TMEFF2: variants seen among roughly 807,000 people sequenced by gnomAD.
TMEFF2 encodes transmembrane protein with EGF like and two follistatin like domains 2.
A neutral mutation model predicts 53.8 loss-of-function variants in TMEFF2; 28 were observed. The ratio of observed to expected loss-of-function variants is 0.52; its 90% confidence interval spans 0.39 to 0.71. TMEFF2 has a LOEUF of 0.71. Ranked by LOEUF, TMEFF2 falls within the 30% of genes least tolerant of loss-of-function variation. The pLI is 0.00. For missense variants in TMEFF2, 353 were observed against 455.2 expected, an observed-to-expected ratio of 0.78 and a Z score of 2.04; for synonymous variants, 162 against 166.3, an observed-to-expected ratio of 0.97 and a Z score of 0.20.
At chr2:192,158,493 A>T (rs1690558876) in intron 4 of TMEFF2, among the ~76,000 whole-genome samples, 1 of 152,160 alleles carries the variant, frequency 6.6e-6, no homozygotes, top group Admixed American at 6.6e-5. Flanking sequence ...GATATTCAGT[A>T]GAAAATAATA....
Position 192,194,341 on chromosome 2 carries a change from T to A in TMEFF2, c.172+12A>T. 8.1e-6 allele frequency: 13 copies of A among 1,613,484 alleles called. No homozygotes were observed. The highest frequency in any genetic ancestry group is 1.1e-5 in the Non-Finnish European group (13 of 1,179,734). On this transcript the variant is annotated intron_variant, in intron 1 of 9. Coordinates refer to ENST00000272771, the MANE Select transcript of TMEFF2 (RefSeq NM_016192.4). The surrounding 1 kb of genome is among the most constrained non-coding windows in gnomAD (Gnocchi z 4.2). Reference sequence around the variant, plus strand: ...GGAGTTAAAGGGTCGGGGACGGGGGTTCTGGACTTACCAGAGCAATTCCAG... The same window carrying A: ...GGAGTTAAAGGGTCGGGGACGGGGGATCTGGACTTACCAGAGCAATTCCAG...
intron 2 of TMEFF2, among the ~76,000 whole-genome samples, chr2:192,187,119 G>A (rs6752021): frequency 0.88 from 134,376 of 152,116 alleles, 59,498 homozygotes; most frequent in East Asian, 1. Flanking sequence ...CCAGAAGGAA[G>A]CACGCTGTAA....
chr2:192,003,290 C>G (rs978464088), intron 5 of TMEFF2, among the ~76,000 whole-genome samples: 3 of 152,106 alleles, frequency 2.0e-5, no homozygotes, highest in Non-Finnish European at 4.4e-5. Context: ...ATCGAAGAGC[C>G]TAAATTCAAA....
chr2:192,019,078 C>T (rs1291017929), intron 5 of TMEFF2, among the ~76,000 whole-genome samples: 4 of 151,752 alleles, frequency 2.6e-5, no homozygotes, highest in Non-Finnish European at 4.4e-5. Flanking sequence ...ATAAATAAAA[C>T]GAATAAATAA....
intron 9 of TMEFF2, 151 bp downstream of exon 9, chr2:191,953,528 T>C: frequency 1.4e-6 from 1 of 733,370 alleles, no homozygotes; most frequent in Non-Finnish European, 2.1e-6. Flanking sequence ...CTCCATTGGC[T>C]ATTCAAATAC....
chr2:191,949,277 A>G lies in TMEFF2; in HGVS notation c.*1034T>C. 2.0e-6 allele frequency: 2 copies of G among 985,344 alleles called. No individual in the cohort carries two copies. Among genetic ancestry groups the G allele is most frequent in the Non-Finnish European group, 2.4e-6 (2 of 829,888 alleles). The allele number at this position is 985,344 out of a possible 1,614,324, so 61.0% of individuals were successfully genotyped here. On this transcript the variant is annotated 3_prime_UTR_variant, in exon 10 of 10. Transcript: ENST00000272771. Reference sequence around the variant, plus strand: ...TGCTATAGGATTAATTTTCTTTCTTACCTCACCACATAAATATGCTCAAAA... The same window carrying G: ...TGCTATAGGATTAATTTTCTTTCTTGCCTCACCACATAAATATGCTCAAAA...
chr2:192,035,956 A>T (rs1425742823), intron 5 of TMEFF2, among the ~76,000 whole-genome samples: 1 of 152,164 alleles, frequency 6.6e-6, no homozygotes, highest in Non-Finnish European at 1.5e-5. Flanking sequence ...CTGGCATCTC[A>T]TAATTGTGCA....
intron 4 of TMEFF2, among the ~76,000 whole-genome samples, chr2:192,098,104 C>T (rs1688956178): frequency 2.0e-5 from 3 of 151,994 alleles, no homozygotes; most frequent in Non-Finnish European, 4.4e-5. Context: ...AGGAAGTGAT[C>T]TAAAAATAAT....
At chr2:192,050,462 A>AT (rs1687740898) in intron 5 of TMEFF2, among the ~76,000 whole-genome samples, 1 of 151,922 alleles carries the variant, frequency 6.6e-6, no homozygotes, top group East Asian at 1.9e-4. Context: ...AATTTTTTTT[A>AT]TTTTTTACTT....
intron 4 of TMEFF2, among the ~76,000 whole-genome samples, chr2:192,119,563 G>A (rs373501826): frequency 6.6e-6 from 1 of 152,182 alleles, no homozygotes; most frequent in Admixed American, 6.5e-5. Flanking sequence ...CCAATTGAAA[G>A]TTAAGTGGAA....
At chr2:191,958,705 C>G (rs1215921701) in intron 7 of TMEFF2, among the ~76,000 whole-genome samples, 3 of 152,224 alleles carry the variant, frequency 2.0e-5, no homozygotes, top group Non-Finnish European at 2.9e-5. Flanking sequence ...ATTGTAAAAT[C>G]TGCTAATTAG....
rs569804729 is a variant in TMEFF2 at position 192,135,605 on chromosome 2, C to G, written c.439+44063G>C. Among the ~76,000 whole-genome samples, 3 of 151,900 alleles carry G rather than the reference C, an allele frequency of 2.0e-5. No individual in the cohort carries two copies. The East Asian group carries it at 5.8e-4, about 29-fold the overall frequency. On this transcript the variant is annotated intron_variant, in intron 4 of 9. Coordinates refer to ENST00000272771, the MANE Select transcript of TMEFF2 (RefSeq NM_016192.4). ...CATCGTCCATTCTCTCTCCATACCACCCCCCAAAAATTTTCGCCGCCCCAA... is the reference window on the plus strand; with the variant it reads ...CATCGTCCATTCTCTCTCCATACCAGCCCCCAAAAATTTTCGCCGCCCCAA...
At chr2:192,164,599 G>A (rs565035920) in intron 4 of TMEFF2, among the ~76,000 whole-genome samples, 2 of 152,090 alleles carry the variant, frequency 1.3e-5, no homozygotes, top group Non-Finnish European at 2.9e-5. Context: ...GTGGTGGTAT[G>A]TGCCTGCAAT....
At chr2:192,157,147 A>G (rs1000052702) in intron 4 of TMEFF2, among the ~76,000 whole-genome samples, 46 of 152,060 alleles carry the variant, frequency 3.0e-4, no homozygotes, top group Non-Finnish European at 1.2e-4. Flanking sequence ...GGACAGTTTA[A>G]CGAAAACTTT....
chr2:192,179,370 C>T (rs1380837497), intron 4 of TMEFF2: 1 of 324,182 alleles, frequency 3.1e-6, no homozygotes, highest in East Asian at 4.6e-5. Context: ...TGCTTACATG[C>T]TTCTCTTCAG....
At chr2:192,019,325 TTTAG>T (rs1349708400) in intron 5 of TMEFF2, among the ~76,000 whole-genome samples, 1 of 151,986 alleles carries the variant, frequency 6.6e-6, no homozygotes, top group East Asian at 1.9e-4. Flanking sequence ...TATAAATATT[TTTAG>T]TTAGATAAGT....
intron 4 of TMEFF2, among the ~76,000 whole-genome samples, chr2:192,115,969 A>G (rs373193526): frequency 6.6e-6 from 1 of 151,990 alleles, no homozygotes; most frequent in African/African-American, 2.4e-5. Context: ...ATGATCCATC[A>G]ATCTGTTCTT....
chr2:192,072,268 T>C (rs1411097674), intron 4 of TMEFF2, among the ~76,000 whole-genome samples: 1 of 151,950 alleles, frequency 6.6e-6, no homozygotes, highest in Non-Finnish European at 1.5e-5. Context: ...TAAGTTCTTG[T>C]ATCCTTAAAT....
At chr2:191,964,316 CTTCCTTCCTTTCT>C (rs1692365797) in intron 7 of TMEFF2, among the ~76,000 whole-genome samples, 1 of 125,986 alleles carries the variant, frequency 7.9e-6, no homozygotes, top group East Asian at 2.2e-4. Context: ...TCTTTCTTTC[CTTCCTTCCTTTCT>C]TTCCTTCTTT....
Sources: allele counts gnomAD v4.1 joint callset (sites outside exome capture counted in the v4.1 genomes callset), GRCh38; gene constraint gnomAD v4.1.1; non-coding constraint Gnocchi (gnomAD v3.1); transcripts MANE v1.5; gene names NCBI Gene and HGNC (gene_info 2026-07-23, HGNC 2026-07-21).